The following SLC36A2 variants were observed in gnomAD, a reference collection of about 807,000 sequenced individuals.
SLC36A2 encodes the protein proton-coupled amino acid transporter 2.
SLC36A2 carries 39 observed loss-of-function variants against 42.7 expected under a neutral mutation model. The observed-to-expected ratio is 0.91, with a 90% CI of 0.71 to 1.19. The LOEUF (loss-of-function observed/expected upper bound fraction) is 1.19. Among genes scored for constraint, SLC36A2 ranks in the 50% most tolerant of loss-of-function variants. The probability of loss-of-function intolerance (pLI) is 0.00; values close to 1 mark genes in which losing one functional copy is unlikely to be tolerated. For synonymous variants in SLC36A2, 237 were observed against 240.8 expected (o/e 0.98, Z 0.15); for missense variants, 590 against 613.7 (o/e 0.96, Z 0.41).
chr5:151,326,812 C>CTTTTTTTTTTTTTTTTTTTTTT (rs5872202), intron 7 of SLC36A2, among the ~76,000 whole-genome samples: 3 of 142,282 alleles, frequency 2.1e-5, no homozygotes, highest in African/African-American at 2.6e-5. Flanking sequence ...ATGAATTTAC[C>CTTTTTTTTTTTTTTTTTTTTTT]TTTTTTTTTT....
chr5:151,324,126 G>C (rs1411663053), intron 8 of SLC36A2, among the ~76,000 whole-genome samples: 1 of 152,058 alleles, frequency 6.6e-6, no homozygotes, highest in Admixed American at 6.6e-5. Context: ...AGATTCCAAT[G>C]GTCTTCCCAA....
chr5:151,328,718 A>G (rs1400615110), intron 7 of SLC36A2, among the ~76,000 whole-genome samples: 1 of 152,204 alleles, frequency 6.6e-6, no homozygotes, highest in Non-Finnish European at 1.5e-5. Flanking sequence ...GTGGGAAATC[A>G]GTACTGGCTA....
chr5:151,318,289 A>C (rs1755561711), intron 9 of SLC36A2, among the ~76,000 whole-genome samples: 1 of 151,844 alleles, frequency 6.6e-6, no homozygotes, highest in Admixed American at 6.6e-5. Context: ...CAGTGCTGGG[A>C]ACCATTCAAG....
intron 1 of SLC36A2, among the ~76,000 whole-genome samples, chr5:151,346,930 A>G (rs1186518477): frequency 1.3e-5 from 2 of 152,178 alleles, no homozygotes; most frequent in Admixed American, 6.5e-5. Context: ...CTTCTCCTCC[A>G]AGTAGTTAGG....
At chr5:151,343,642 T>G (rs757261620) in intron 2 of SLC36A2, 44 bp from the exon 3 acceptor site, 1 of 1,550,424 alleles carries the variant, frequency 6.4e-7, no homozygotes, top group Non-Finnish European at 8.9e-7. Context: ...GAGAAGAGAA[T>G]GCATTTATGA....
At chr5:151,344,031 C>T in intron 2 of SLC36A2, 146 bp downstream of exon 2, 1 of 767,316 alleles carries the variant, frequency 1.3e-6, no homozygotes, top group South Asian at 1.5e-5. Flanking sequence ...GAACTCAAAC[C>T]CAGGCTAGAT....
chr5:151,317,814 G>C (rs1755547114), intron 9 of SLC36A2, among the ~76,000 whole-genome samples: 1 of 152,192 alleles, frequency 6.6e-6, no homozygotes, highest in Admixed American at 6.5e-5. Flanking sequence ...CTTAGGGTCA[G>C]TGGTTGGGTG....
intron 5 of SLC36A2, among the ~76,000 whole-genome samples, chr5:151,337,460 A>G (rs925253735): frequency 2.0e-5 from 3 of 152,248 alleles, no homozygotes; most frequent in African/African-American, 7.2e-5. Context: ...ATTAGGTTTT[A>G]GAACACACTC....
At chr5:151,341,089 G>T (rs1756331532) in intron 4 of SLC36A2, among the ~76,000 whole-genome samples, 2 of 152,158 alleles carry the variant, frequency 1.3e-5, no homozygotes, top group South Asian at 4.1e-4. Flanking sequence ...ATGGTGGTTT[G>T]CTGGAGATAC....
intron 2 of SLC36A2, 24 bp from the exon 3 acceptor site, chr5:151,343,622 C>A (rs375733997): frequency 1.2e-5 from 19 of 1,600,908 alleles, no homozygotes. Flanking sequence ...AGGCAAGGGG[C>A]GAGGGAGGAG....
In SLC36A2 at chr5:151,324,252, C is replaced by T. The variant is rs550481535; in HGVS notation, c.1010+1034G>A. Reference sequence around the variant, plus strand: ...CCACCTCCCAGGTTCAAGTGATTCTCCTGCCTCAGCCTCCTGAGTAGCTGA... The same window carrying T: ...CCACCTCCCAGGTTCAAGTGATTCTTCTGCCTCAGCCTCCTGAGTAGCTGA... On this transcript the variant is annotated intron_variant, in intron 8 of 9. Coordinates refer to ENST00000335244, the MANE Select transcript of SLC36A2 (RefSeq NM_181776.3). 2.0e-4 allele frequency among the ~76,000 whole-genome samples: 30 copies of T among 152,294 alleles called. No homozygotes were observed. In the South Asian group the frequency reaches 6.0e-3, roughly 31 times the overall value.
Position 151,347,336 on chromosome 5 carries a change from G to T in SLC36A2, c.125C>A (p.Pro42His), listed in dbSNP as rs762751204. ...CTTCTTCAAGCCTGCTGACTCTGAA[G>T]GACTTTCATCCAAGAATGTAGAGTC... ...NKDSTFLDESPSESAGLKKTK... is the reference protein window; with the variant it reads ...NKDSTFLDESHSESAGLKKTK... The change falls in exon 1 of 10, where the codon CCT becomes CAT. Residue 42 changes from proline (P) to histidine (H), a missense_variant. By Grantham distance (77) the Pro-to-His change is moderately conservative. Coordinates refer to ENST00000335244, the MANE Select transcript of SLC36A2 (RefSeq NM_181776.3). The T allele has an allele frequency of 5.6e-6, 9 of 1,614,092 alleles. No homozygotes were observed.
Position 151,339,083 on chromosome 5 carries a change from A to C in SLC36A2, c.502T>G (p.Phe168Val). 1.2e-6 allele frequency: 2 copies of C among 1,610,580 alleles called. No homozygotes were observed. Among genetic ancestry groups the C allele is most frequent in the Non-Finnish European group, 1.7e-6 (2 of 1,177,588 alleles). The change falls in exon 5 of 10, where the codon TTT (phenylalanine) becomes GTT (valine). Residue 168 changes from phenylalanine to valine, a missense_variant. By Grantham distance (50) the Phe-to-Val change is conservative (BLOSUM62 -1). Transcript: ENST00000335244. ...QLGFCCVYIV[F>V]LADNLKQVVE... ...ACCTGTTTTAAATTATCAGCCAAAA[A>C]CACAATGTACACACAGCAGAAGCCA...
At position 151,317,028 on chromosome 5, in the gene SLC36A2, C is replaced by T; in HGVS notation, c.1241G>A (p.Ser414Asn). 1.2e-6 allele frequency: 2 copies of T among 1,614,112 alleles called. No individual in the cohort carries two copies. Among genetic ancestry groups the T allele is most frequent in the Non-Finnish European group, 1.7e-6 (2 of 1,180,028 alleles). The change falls in exon 10 of 10, where the codon AGT becomes AAT. Residue 414 changes from serine (S) to asparagine (N), a missense_variant. Ser to Asn is a conservative substitution (Grantham distance 46, BLOSUM62 1). Transcript: ENST00000335244. ...DLVISLVGSV[S>N]GTALALIIPP... is the part of the protein sequence containing the mutation. ...GATGATGAGGGCCAGGGCGGTGCCA[C>T]TCACGGAGCCCACCAGGGAGATGAC...
chr5:151,323,059 A>T (rs1755741336), intron 8 of SLC36A2, among the ~76,000 whole-genome samples: 1 of 152,138 alleles, frequency 6.6e-6, no homozygotes, highest in Non-Finnish European at 1.5e-5. Flanking sequence ...AACATGGCGA[A>T]ACCCTACCAC....
At chr5:151,333,378 TTTAAGAG>T in intron 6 of SLC36A2, 56 bp from the exon 7 acceptor site, 2 of 1,438,950 alleles carry the variant, frequency 1.4e-6, no homozygotes, top group Non-Finnish European at 9.8e-7. Context: ...TTTGAGCTCC[TTTAAGAG>T]AAGGGTACTC....
rs1475496594 is a variant in SLC36A2, at chr5:151,316,378, G to C, written c.*439C>G. On this transcript the variant is annotated 3_prime_UTR_variant, in exon 10 of 10. Coordinates refer to ENST00000335244, the MANE Select transcript of SLC36A2 (RefSeq NM_181776.3). ...TGTAAAAAATTACCATTTAGAGCTTGTAGCTTTCTTGTTTCACCATGACTT... is the reference window on the plus strand; with the variant it reads ...TGTAAAAAATTACCATTTAGAGCTTCTAGCTTTCTTGTTTCACCATGACTT... The C allele has an allele frequency of 5.8e-6, 1 of 172,444 alleles. No individual in the cohort carries two copies. The highest frequency in any genetic ancestry group is 2.4e-5 in the African/African-American group (1 of 41,604). 10.7% of individuals were successfully genotyped at this position (172,444 alleles called of 1,614,324 possible).
Position 151,316,761 on chromosome 5 carries a change from AAAG to A in SLC36A2, c.*53_*55del. 69 of 1,551,494 alleles carry A rather than the reference AAAG, an allele frequency of 4.4e-5. No homozygotes were observed. The highest frequency in any genetic ancestry group is 5.8e-5 in the Non-Finnish European group (66 of 1,147,734). On this transcript the variant is annotated 3_prime_UTR_variant, in exon 10 of 10. Coordinates refer to ENST00000335244, the MANE Select transcript of SLC36A2 (RefSeq NM_181776.3). ...GTCTCAAAAAAAAAAAAAAAAAAAA[AAAG>A]AGATCCATATAATTAAAAGTCGGGT...
rs948188972 is a variant in SLC36A2, at chr5:151,335,529, T to C, written c.544A>G (p.Ser182Gly). ...TTGGAATAGCAGTTGTTGGTTGTGC[T>C]ATTAACAGCTTCCACTACCTGAGGA... ...NLKQVVEAVN[S>G]TTNNCYSNET... is the part of the protein sequence containing the mutation. The change falls in exon 6 of 10, where the codon AGC becomes GGC. Residue 182 changes from serine (S) to glycine (G), a missense_variant. Ser to Gly is a moderately conservative substitution (Grantham distance 56). Coordinates refer to ENST00000335244, the MANE Select transcript of SLC36A2 (RefSeq NM_181776.3). The C allele has an allele frequency of 1.9e-6, 3 of 1,613,872 alleles. No homozygotes were observed. The African/African-American group carries it at 4.0e-5, about 22-fold the overall frequency.
Sources: gnomAD v4.1 joint callset for allele counts (sites outside exome capture counted in the v4.1 genomes callset) on GRCh38, gnomAD v4.1.1 for gene constraint, MANE v1.5 for transcripts, NCBI Gene and HGNC (gene_info 2026-07-23, HGNC 2026-07-21) for gene names.